Variants in PRKCA observed in about 807,000 individuals in gnomAD.
PRKCA encodes protein kinase C alpha.
Under a neutral mutation model 87.0 loss-of-function variants are expected in PRKCA, and 27 were observed. The observed-to-expected ratio is 0.31, with a 90% CI of 0.23 to 0.43. The LOEUF (loss-of-function observed/expected upper bound fraction) is 0.43. Among genes scored for constraint, PRKCA ranks in the 20% least tolerant of loss-of-function variants. The pLI, the probability that PRKCA is intolerant of heterozygous loss-of-function variation, is 1.00. For missense variants in PRKCA, 518 were observed against 852.3 expected (o/e 0.61, Z 4.88); for synonymous variants, 329 against 311.1 (o/e 1.06, Z -0.61).
chr17:66,387,957 T>C (rs369706439), intron 2 of PRKCA, among the ~76,000 whole-genome samples: 10 of 152,352 alleles, frequency 6.6e-5, no homozygotes, highest in African/African-American at 2.2e-4. Context: ...CAACTGTTCC[T>C]ATTCAAGATG....
chr17:66,365,165 G>A (rs1908627745), intron 2 of PRKCA, among the ~76,000 whole-genome samples: 1 of 152,214 alleles, frequency 6.6e-6, no homozygotes, highest in Non-Finnish European at 1.5e-5. Flanking sequence ...GAGTTTTCTT[G>A]TGGCTTTTGT....
rs139569868 is a variant in PRKCA at position 66,741,247 on chromosome 17, C to A, written c.1323-412C>A. Among the ~76,000 whole-genome samples the A allele has an allele frequency of 7.9e-3, 1,200 of 152,322 alleles. 6 individuals carry two copies. The highest frequency in any genetic ancestry group is 0.013 in the Non-Finnish European group (853 of 68,030). ...AGAGTTCATCACCCACTATACTTTG[C>A]CTTCCAGGGAGTAATTGTATTGTAT... On this transcript the variant is annotated intron_variant, in intron 11 of 16. Coordinates refer to ENST00000413366, the MANE Select transcript of PRKCA (RefSeq NM_002737.3).
chr17:66,437,731 T>TTTTTTTTTTTGA (rs55779501), intron 2 of PRKCA, among the ~76,000 whole-genome samples: 3 of 11,142 alleles, frequency 2.7e-4, no homozygotes, highest in Non-Finnish European at 4.9e-4. Flanking sequence ...TTTTTTTTTT[T>TTTTTTTTTTTGA]GAGCGGGGGG....
intron 3 of PRKCA, among the ~76,000 whole-genome samples, chr17:66,611,363 G>A (rs193274512): frequency 3.3e-5 from 5 of 152,040 alleles, no homozygotes; most frequent in South Asian, 2.1e-4. Context: ...CCATTATCCC[G>A]ACCCTTGGCA....
At chr17:66,498,343 A>T (rs975771139) in intron 3 of PRKCA, among the ~76,000 whole-genome samples, 2 of 151,950 alleles carry the variant, frequency 1.3e-5, no homozygotes, top group Non-Finnish European at 2.9e-5. Flanking sequence ...CATCATTCCC[A>T]TCTTTATCTT....
intron 3 of PRKCA, among the ~76,000 whole-genome samples, chr17:66,501,792 G>A (rs1025821124): frequency 4.6e-5 from 7 of 152,316 alleles, no homozygotes; most frequent in East Asian, 3.9e-4. Flanking sequence ...ATGCAGACTC[G>A]GACATGGGCA....
At position 66,781,114 on chromosome 17, in the gene PRKCA, A is replaced by C. The variant is rs539775696; in HGVS notation, c.1606-5753A>C. Among the ~76,000 whole-genome samples the C allele has an allele frequency of 2.0e-5, 3 of 152,310 alleles. No homozygotes were observed. In the South Asian group the frequency reaches 6.2e-4, roughly 32 times the overall value. ...ACTCCATCTCAAAAAAATAAAAAAT[A>C]TAAAAATAAAACACGGGCTCCAGGG... On this transcript the variant is annotated intron_variant, in intron 14 of 16. Transcript: ENST00000413366.
At chr17:66,797,711 C>T (rs1010425770) in intron 16 of PRKCA, among the ~76,000 whole-genome samples, 2 of 152,170 alleles carry the variant, frequency 1.3e-5, no homozygotes, top group Non-Finnish European at 2.9e-5. Flanking sequence ...CCTCTGTGTC[C>T]CCACTTTCCC....
intron 3 of PRKCA, among the ~76,000 whole-genome samples, chr17:66,631,612 T>C (rs1390608181): frequency 6.6e-6 from 1 of 152,172 alleles, no homozygotes; most frequent in Non-Finnish European, 1.5e-5. Context: ...GAATTCCATA[T>C]TAAACCATCA....
At chr17:66,638,020 T>G (rs1185083693) in intron 3 of PRKCA, among the ~76,000 whole-genome samples, 1 of 152,080 alleles carries the variant, frequency 6.6e-6, no homozygotes, top group Non-Finnish European at 1.5e-5. Context: ...ACTCTGCCAT[T>G]ATAGCCAAAG....
chr17:66,711,432 T>C (rs1017981546), intron 8 of PRKCA, among the ~76,000 whole-genome samples: 5 of 152,252 alleles, frequency 3.3e-5, no homozygotes, highest in Non-Finnish European at 7.3e-5. Flanking sequence ...TTTTAATGTT[T>C]TCCCAACTCA....
intron 1 of PRKCA, among the ~76,000 whole-genome samples, chr17:66,305,004 C>A (rs1904734675): frequency 6.6e-6 from 1 of 152,116 alleles, no homozygotes; most frequent in African/African-American, 2.4e-5. Context: ...CTATCAGTTG[C>A]CCTTGAAGGA....
At chr17:66,763,591 A>G (rs1974734619) in intron 13 of PRKCA, among the ~76,000 whole-genome samples, 1 of 152,190 alleles carries the variant, frequency 6.6e-6, no homozygotes, top group Non-Finnish European at 1.5e-5. Flanking sequence ...TTCCATCAAA[A>G]TGTTTTTGTT....
At chr17:66,546,522 T>C (rs1484201127) in intron 3 of PRKCA, among the ~76,000 whole-genome samples, 1 of 152,252 alleles carries the variant, frequency 6.6e-6, no homozygotes, top group South Asian at 2.1e-4. Context: ...TCTATGTTCA[T>C]TGGCTTGTGG....
chr17:66,781,866 GAGATATATATATAT>G (rs1975226847), intron 14 of PRKCA, among the ~76,000 whole-genome samples: 1 of 132,800 alleles, frequency 7.5e-6, no homozygotes, highest in Non-Finnish European at 1.5e-5. Flanking sequence ...GAGAGAGAGA[GAGATATATATATAT>G]ATATATAGTG....
At chr17:66,760,915 G>T (rs541289062) in intron 13 of PRKCA, among the ~76,000 whole-genome samples, 1 of 152,076 alleles carries the variant, frequency 6.6e-6, no homozygotes, top group Admixed American at 6.5e-5. Context: ...TTTGGGAGGG[G>T]TACTTAGGCT....
chr17:66,532,087 A>G (rs925317010), intron 3 of PRKCA, among the ~76,000 whole-genome samples: 3 of 151,996 alleles, frequency 2.0e-5, no homozygotes, highest in African/African-American at 7.2e-5. Flanking sequence ...CCAAGAGGGA[A>G]CATTGCAGAT....
At chr17:66,624,807 T>C (rs1035390693) in intron 3 of PRKCA, among the ~76,000 whole-genome samples, 2 of 150,334 alleles carry the variant, frequency 1.3e-5, no homozygotes, top group East Asian at 1.9e-4. Flanking sequence ...AATAAATAAA[T>C]AAATAAATAA....
At chr17:66,668,823 C>T (rs1273030181) in intron 5 of PRKCA, among the ~76,000 whole-genome samples, 3 of 152,140 alleles carry the variant, frequency 2.0e-5, no homozygotes, top group Non-Finnish European at 4.4e-5. Flanking sequence ...GTGCAGGAGG[C>T]TGGGCACAGT....
Sources: gnomAD v4.1 joint callset for allele counts (sites outside exome capture counted in the v4.1 genomes callset) on GRCh38, gnomAD v4.1.1 for gene constraint, MANE v1.5 for transcripts, NCBI Gene and HGNC (gene_info 2026-07-23, HGNC 2026-07-21) for gene names.